The following FGF12 variants were observed in gnomAD, a reference collection of about 807,000 sequenced individuals.
The protein encoded by FGF12 is fibroblast growth factor 12, also known as fibroblast growth factor 12B.
Under a neutral mutation model 23.6 loss-of-function variants are expected in FGF12, and 14 were observed. That is an observed-to-expected ratio of 0.59 (90% confidence interval 0.39 to 0.93). The LOEUF is 0.93. Ranked by LOEUF, FGF12 falls within the 40% of genes least tolerant of loss-of-function variation. The pLI is 0.00. For synonymous variants in FGF12, 62 were observed against 77.3 expected (o/e 0.80, Z 1.04); for missense variants, 175 against 217.8 (o/e 0.80, Z 1.24).
intron 2 of FGF12, among the ~76,000 whole-genome samples, chr3:192,527,182 C>A (rs1445549136): frequency 6.6e-6 from 1 of 152,178 alleles, no homozygotes; most frequent in Non-Finnish European, 1.5e-5. Context: ...AGCTAGCACA[C>A]ACTTGCCTTC....
At chr3:192,298,223 G>C (rs1403713875) in intron 4 of FGF12, among the ~76,000 whole-genome samples, 1 of 152,140 alleles carries the variant, frequency 6.6e-6, no homozygotes, top group Non-Finnish European at 1.5e-5. Flanking sequence ...GCAAATCACT[G>C]AATGATTTAG....
Position 192,409,749 on chromosome 3 carries a change from G to A in FGF12, c.14-49211C>T, listed in dbSNP as rs1056984400. Reference sequence around the variant, plus strand: ...CAGGCGGGGCCCCTAGGCCTCCTGGGGCTACCTCGCGAGGCAGCCGAGGGC... The same window carrying A: ...CAGGCGGGGCCCCTAGGCCTCCTGGAGCTACCTCGCGAGGCAGCCGAGGGC... On this transcript the variant is annotated intron_variant, in intron 2 of 5. Transcript: ENST00000445105. The surrounding 1 kb of genome is among the most constrained non-coding windows in gnomAD (Gnocchi z 4.8). Among the ~76,000 whole-genome samples the A allele has an allele frequency of 2.0e-5, 3 of 152,114 alleles. No homozygotes were observed. Among genetic ancestry groups the A allele is most frequent in the Non-Finnish European group, 4.4e-5 (3 of 67,984 alleles).
At chr3:192,380,968 G>T (rs2108753211) in intron 2 of FGF12, among the ~76,000 whole-genome samples, 1 of 149,380 alleles carries the variant, frequency 6.7e-6, no homozygotes, top group South Asian at 2.1e-4. Context: ...TATATTTAAT[G>T]ACTTGTTCTA....
At chr3:192,384,153 T>C (rs1261404473) in intron 2 of FGF12, among the ~76,000 whole-genome samples, 1 of 152,170 alleles carries the variant, frequency 6.6e-6, no homozygotes, top group Non-Finnish European at 1.5e-5. Flanking sequence ...TCATTAGTAA[T>C]GGTGGCAAGA....
At chr3:192,217,584 C>A (rs1264344307) in intron 4 of FGF12, among the ~76,000 whole-genome samples, 1 of 152,126 alleles carries the variant, frequency 6.6e-6, no homozygotes, top group African/African-American at 2.4e-5. Context: ...AGTCTCTTTG[C>A]CATCATGTCA....
chr3:192,426,646 G>A (rs980163011), intron 2 of FGF12, among the ~76,000 whole-genome samples: 7 of 152,084 alleles, frequency 4.6e-5, no homozygotes, highest in Non-Finnish European at 8.8e-5. Context: ...AGAGTTGTAG[G>A]AGATAAAAAG....
chr3:192,382,537 A>T (rs2108754415), intron 2 of FGF12, among the ~76,000 whole-genome samples: 1 of 152,232 alleles, frequency 6.6e-6, no homozygotes, highest in African/African-American at 2.4e-5. Context: ...ATAGCAATAA[A>T]AAAAAAATAC....
chr3:192,207,344 T>C (rs534804856), intron 4 of FGF12, among the ~76,000 whole-genome samples: 2 of 152,204 alleles, frequency 1.3e-5, no homozygotes, highest in South Asian at 4.1e-4. Flanking sequence ...TAAAATGTAA[T>C]GAGTTCTCTC....
At chr3:192,162,170 A>G (rs1714916840) in intron 5 of FGF12, among the ~76,000 whole-genome samples, 1 of 152,130 alleles carries the variant, frequency 6.6e-6, no homozygotes, top group African/African-American at 2.4e-5. Context: ...AAGATACTTA[A>G]TTGTCTTAAT....
Position 192,274,375 on chromosome 3 carries a change from C to A in FGF12, c.228+60986G>T, listed in dbSNP as rs73887269. ...AGTAAGCCATACCAAAAATAAATAA[C>A]AGAGAAAGTACTTCAAAAATTCCAT... On this transcript the variant is annotated intron_variant, in intron 4 of 5. Transcript: ENST00000445105. 9.7e-3 allele frequency among the ~76,000 whole-genome samples: 1,475 copies of A among 152,140 alleles called. 28 individuals carry two copies. Among genetic ancestry groups the A allele is most frequent in the African/African-American group, 0.034 (1,392 of 41,502 alleles).
intron 4 of FGF12, among the ~76,000 whole-genome samples, chr3:192,213,685 T>C (rs1314664777): frequency 2.6e-5 from 4 of 152,208 alleles, no homozygotes; most frequent in African/African-American, 9.6e-5. Context: ...CTATAGGAGT[T>C]TATCCTCCAG....
At chr3:192,457,657 C>T (rs1223518880) in intron 2 of FGF12, among the ~76,000 whole-genome samples, 1 of 152,110 alleles carries the variant, frequency 6.6e-6, no homozygotes, top group Non-Finnish European at 1.5e-5. Context: ...AAAAGCATTT[C>T]GTTTTAAAAG....
At chr3:192,374,380 CTTT>C (rs1427618168) in intron 2 of FGF12, among the ~76,000 whole-genome samples, 1 of 152,138 alleles carries the variant, frequency 6.6e-6, no homozygotes, top group African/African-American at 2.4e-5. Context: ...AGATTTTCTT[CTTT>C]AACTCTGATA....
intron 4 of FGF12, among the ~76,000 whole-genome samples, chr3:192,264,646 G>A (rs142131737): frequency 1.8e-4 from 27 of 152,146 alleles, no homozygotes; most frequent in African/African-American, 5.8e-4. Context: ...GGATAGAAAC[G>A]TTGCCAAGGT....
At chr3:192,435,315 G>T (rs182859471) in intron 2 of FGF12, among the ~76,000 whole-genome samples, 35 of 152,176 alleles carry the variant, frequency 2.3e-4, no homozygotes, top group Non-Finnish European at 3.1e-4. Context: ...GAATGAATTT[G>T]TAATTACTGC....
At chr3:192,464,351 T>A (rs1344527440) in intron 2 of FGF12, among the ~76,000 whole-genome samples, 1 of 147,624 alleles carries the variant, frequency 6.8e-6, no homozygotes, top group Non-Finnish European at 1.5e-5. Flanking sequence ...TACATCCGCA[T>A]AGCTTAGTTC....
intron 2 of FGF12, among the ~76,000 whole-genome samples, chr3:192,439,690 A>AACATG (rs1444143966): frequency 6.6e-6 from 1 of 152,116 alleles, no homozygotes; most frequent in Non-Finnish European, 1.5e-5. Context: ...ATAAAAGCAT[A>AACATG]ACATGGCCAG....
At chr3:192,493,916 C>G (rs976258856) in intron 2 of FGF12, among the ~76,000 whole-genome samples, 2 of 151,466 alleles carry the variant, frequency 1.3e-5, no homozygotes, top group Admixed American at 1.3e-4. Flanking sequence ...CAAACCCTAT[C>G]ACAGGATGAT....
At chr3:192,591,419 GA>G (rs1449694503) in intron 2 of FGF12, among the ~76,000 whole-genome samples, 1 of 151,734 alleles carries the variant, frequency 6.6e-6, no homozygotes, top group Non-Finnish European at 1.5e-5. Context: ...GAGAAGAAAT[GA>G]GAAAGGTGCT....
Sources: gnomAD v4.1 joint callset for allele counts (sites outside exome capture counted in the v4.1 genomes callset) on GRCh38, gnomAD v4.1.1 for gene constraint, Gnocchi (gnomAD v3.1) non-coding constraint, MANE v1.5 for transcripts, NCBI Gene and HGNC (gene_info 2026-07-23, HGNC 2026-07-21) for gene names.